The following SOX6 variants were observed in gnomAD, a reference collection of about 807,000 sequenced individuals.
SOX6 encodes the protein SRY-box transcription factor 6.
In SOX6, 11 loss-of-function variants were observed where a neutral mutation model predicts 97.8. The ratio of observed to expected loss-of-function variants is 0.11; its 90% confidence interval spans 0.07 to 0.19. The LOEUF (loss-of-function observed/expected upper bound fraction) is 0.19, where lower values mean the gene tolerates loss of function less well. SOX6 is among the 10% of genes least tolerant of loss of function. The probability of loss-of-function intolerance (pLI) is 1.00; values close to 1 mark genes in which losing one functional copy is unlikely to be tolerated. For missense variants in SOX6, 810 were observed against 1,039.5 expected (o/e 0.78, Z 3.04); for synonymous variants, 360 against 371.4 (o/e 0.97, Z 0.35).
At chr11:16,348,031 T>G (rs1856816656) in intron 1 of SOX6, among the ~76,000 whole-genome samples, 1 of 141,712 alleles carries the variant, frequency 7.1e-6, no homozygotes. Flanking sequence ...AGGAAGGGAG[T>G]GAGAGTAGAA....
At chr11:16,659,199 T>C (rs1218113239) in intron 3 of SOX6, among the ~76,000 whole-genome samples, 2 of 152,236 alleles carry the variant, frequency 1.3e-5, no homozygotes, top group East Asian at 3.8e-4. Flanking sequence ...TGATCCACTA[T>C]CAGTTAATTT....
At chr11:16,348,125 T>C (rs536754306) in intron 1 of SOX6, among the ~76,000 whole-genome samples, 1 of 152,164 alleles carries the variant, frequency 6.6e-6, no homozygotes, top group Admixed American at 6.6e-5. Flanking sequence ...ATTTTCAGTT[T>C]GTCTACTTAA....
intron 4 of SOX6, among the ~76,000 whole-genome samples, chr11:16,210,465 G>T (rs1039483306): frequency 2.0e-5 from 3 of 152,154 alleles, no homozygotes; most frequent in African/African-American, 7.2e-5. Flanking sequence ...TAGATTAGTG[G>T]TTGTTTAGGG....
chr11:16,547,615 G>A (rs933841929), intron 4 of SOX6, among the ~76,000 whole-genome samples: 1 of 152,248 alleles, frequency 6.6e-6, no homozygotes, highest in African/African-American at 2.4e-5. Flanking sequence ...ATGTCGACAA[G>A]AGATTAGGAA....
At chr11:16,287,257 GTCTCTCTCTCTCTCTCTCTCTC>G (rs56921161) in intron 3 of SOX6, among the ~76,000 whole-genome samples, 42 of 120,592 alleles carry the variant, frequency 3.5e-4, no homozygotes, top group African/African-American at 1.0e-3. Flanking sequence ...TCTTCTCTCT[GTCTCTCTCTCTCTCTCTCTCTC>G]TCTCTCTCTC....
chr11:16,637,362 A>G (rs1286045715), intron 3 of SOX6, among the ~76,000 whole-genome samples: 19 of 152,072 alleles, frequency 1.2e-4, no homozygotes, highest in Non-Finnish European at 2.9e-5. Flanking sequence ...CTGGGACTAC[A>G]GGCGTGCACT....
intron 2 of SOX6, 119 bp downstream of exon 2, chr11:16,340,893 T>C: frequency 1.4e-6 from 2 of 1,387,988 alleles, no homozygotes; most frequent in Non-Finnish European, 2.0e-6. Context: ...ACCTGGTAGT[T>C]GTTTCATGAT....
chr11:16,018,175 C>T (rs200162888), intron 12 of SOX6, among the ~76,000 whole-genome samples: 1 of 151,988 alleles, frequency 6.6e-6, no homozygotes, highest in East Asian at 1.9e-4. Flanking sequence ...TTAAATGTTA[C>T]AAGCCACAAG....
chr11:16,410,983 T>G (rs1297099016), intron 1 of SOX6, among the ~76,000 whole-genome samples: 2 of 144,934 alleles, frequency 1.4e-5, no homozygotes, highest in East Asian at 4.0e-4. Flanking sequence ...AGTGAGTGAC[T>G]GAAAAAAAAA....
At chr11:16,534,923 C>A (rs1861285474) in intron 4 of SOX6, among the ~76,000 whole-genome samples, 1 of 152,134 alleles carries the variant, frequency 6.6e-6, no homozygotes, top group African/African-American at 2.4e-5. Context: ...TACTTAATGT[C>A]CACATAATTG....
At chr11:16,325,964 C>G (rs1178481281) in intron 2 of SOX6, among the ~76,000 whole-genome samples, 1 of 152,128 alleles carries the variant, frequency 6.6e-6, no homozygotes, top group East Asian at 1.9e-4. Flanking sequence ...GAGACTGGGC[C>G]TTCACCAGAC....
At chr11:16,270,910 A>T (rs2134229243) in intron 3 of SOX6, among the ~76,000 whole-genome samples, 1 of 151,374 alleles carries the variant, frequency 6.6e-6, no homozygotes, top group Admixed American at 6.6e-5. Flanking sequence ...CAGAGTTTCT[A>T]TTTAGGGTAA....
At chr11:16,299,750 T>C (rs902377976) in intron 3 of SOX6, among the ~76,000 whole-genome samples, 5 of 152,126 alleles carry the variant, frequency 3.3e-5, no homozygotes, top group Admixed American at 1.3e-4. Context: ...AACTGTGTAT[T>C]ACCCATGCTT....
intron 4 of SOX6, among the ~76,000 whole-genome samples, chr11:16,562,184 T>C (rs1006820220): frequency 6.6e-6 from 1 of 152,080 alleles, no homozygotes; most frequent in Non-Finnish European, 1.5e-5. Flanking sequence ...GCAGAAGTAC[T>C]TTTCCCCATT....
intron 3 of SOX6, among the ~76,000 whole-genome samples, chr11:16,706,465 AAAAAAAATATATAT>A (rs1848133731): frequency 4.2e-5 from 1 of 23,886 alleles, no homozygotes; most frequent in Non-Finnish European, 8.3e-5. Context: ...AAAAAAAAAA[AAAAAAAATATATAT>A]ATATATATAT....
intron 1 of SOX6, among the ~76,000 whole-genome samples, chr11:16,438,003 G>A (rs1590203599): frequency 6.6e-6 from 1 of 152,072 alleles, no homozygotes; most frequent in African/African-American, 2.4e-5. Context: ...GGATAAGCCT[G>A]TATAATGAGT....
chr11:16,038,154 G>T (rs752617237), intron 12 of SOX6, among the ~76,000 whole-genome samples: 1 of 152,156 alleles, frequency 6.6e-6, no homozygotes, highest in Admixed American at 6.5e-5. Flanking sequence ...GGGAGGATGT[G>T]CCTAGGTTAT....
chr11:16,336,209 G>C, intron 2 of SOX6, among the ~76,000 whole-genome samples: 1 of 152,074 alleles, frequency 6.6e-6, no homozygotes, highest in East Asian at 1.9e-4. Context: ...TATCTCATAA[G>C]AGTGTTGGTG....
intron 4 of SOX6, among the ~76,000 whole-genome samples, chr11:16,532,252 C>A (rs1861246535): frequency 6.6e-6 from 1 of 151,784 alleles, no homozygotes; most frequent in Admixed American, 6.6e-5. Context: ...TCCCAAAGAA[C>A]CCTCTCTGTT....
Sources: allele counts gnomAD v4.1 joint callset (sites outside exome capture counted in the v4.1 genomes callset), GRCh38; gene constraint gnomAD v4.1.1; transcripts MANE v1.5; gene names NCBI Gene and HGNC (gene_info 2026-07-23, HGNC 2026-07-21).